The following ATP8A1 variants were observed in gnomAD, a reference collection of about 807,000 sequenced individuals.
ATP8A1 encodes phospholipid-transporting ATPase IA.
A neutral mutation model predicts 177.7 loss-of-function variants in ATP8A1; 90 were observed. The ratio of observed to expected loss-of-function variants is 0.51; its 90% CI spans 0.43 to 0.60. The LOEUF (loss-of-function observed/expected upper bound fraction) is 0.60. ATP8A1 is among the 20% of genes least tolerant of loss of function. ATP8A1 has a pLI of 0.00. For synonymous variants in ATP8A1, 493 were observed against 485.9 expected (o/e 1.01, Z -0.19); for missense variants, 1,072 against 1,392.8 (o/e 0.77, Z 3.67).
chr4:42,635,780 CACATAT>C lies in ATP8A1; in HGVS notation c.50-8677_50-8672del, dbSNP rs1319906823. Among the ~76,000 whole-genome samples, 38 of 43,470 alleles carry C rather than the reference CACATAT, an allele frequency of 8.7e-4. No homozygotes were observed. The East Asian group carries it at 9.5e-3, about 11-fold the overall frequency. The allele number at this position is 43,470 out of a possible 152,430, so 28.5% of individuals were successfully genotyped here. On this transcript the variant is annotated intron_variant, in intron 1 of 36. Transcript: ENST00000381668. Reference sequence around the variant, plus strand: ...ACACACACACACACACACACACACACACATATATATATATATATATATATATATATA... The same window carrying C: ...ACACACACACACACACACACACACACATATATATATATATATATATATATA...
chr4:42,587,310 C>CTTTTTTT (rs991848308), intron 8 of ATP8A1, among the ~76,000 whole-genome samples: 1 of 137,438 alleles, frequency 7.3e-6, no homozygotes, highest in African/African-American at 2.7e-5. Flanking sequence ...CTTTTCTTTT[C>CTTTTTTT]TTTTTTTTTT....
intron 27 of ATP8A1, among the ~76,000 whole-genome samples, chr4:42,463,523 G>A (rs3890811): frequency 0.056 from 8,574 of 152,208 alleles, 301 homozygotes; most frequent in African/African-American, 0.088. Flanking sequence ...CCTTGGGTAT[G>A]TCTTTATCCA....
chr4:42,457,204 A>G (rs1405688343), intron 27 of ATP8A1, among the ~76,000 whole-genome samples: 1 of 152,192 alleles, frequency 6.6e-6, no homozygotes, highest in Non-Finnish European at 1.5e-5. Context: ...GATGCATGCA[A>G]ACTTTAAAAG....
chr4:42,570,061 C>T (rs532359208), intron 14 of ATP8A1, among the ~76,000 whole-genome samples: 27 of 152,172 alleles, frequency 1.8e-4, no homozygotes, highest in Non-Finnish European at 7.4e-5. Flanking sequence ...TTATTTTTGA[C>T]GAATATACAA....
chr4:42,502,045 C>G (rs1356815851), intron 24 of ATP8A1, among the ~76,000 whole-genome samples: 2 of 149,110 alleles, frequency 1.3e-5, no homozygotes, highest in South Asian at 4.2e-4. Flanking sequence ...AACTGATATA[C>G]TTTTTTTTTT....
At chr4:42,515,028 A>G (rs1048876546) in intron 22 of ATP8A1, among the ~76,000 whole-genome samples, 1 of 152,254 alleles carries the variant, frequency 6.6e-6, no homozygotes, top group African/African-American at 2.4e-5. Flanking sequence ...ACTAAAAAAG[A>G]TGAAATAAAA....
At chr4:42,574,205 AGAT>A (rs1194788927) in intron 14 of ATP8A1, among the ~76,000 whole-genome samples, 2 of 152,066 alleles carry the variant, frequency 1.3e-5, no homozygotes, top group African/African-American at 4.8e-5. Flanking sequence ...CAAAAAGGAG[AGAT>A]GATAGAAGAA....
intron 17 of ATP8A1, among the ~76,000 whole-genome samples, chr4:42,552,075 T>C (rs973646039): frequency 6.6e-6 from 1 of 152,166 alleles, no homozygotes; most frequent in African/African-American, 2.4e-5. Flanking sequence ...GCTTCTTTAT[T>C]ATCATTAACA....
chr4:42,546,840 G>T (rs1334438459), intron 19 of ATP8A1, among the ~76,000 whole-genome samples: 3 of 152,094 alleles, frequency 2.0e-5, no homozygotes, highest in Non-Finnish European at 4.4e-5. Context: ...TCTTCTCCTG[G>T]CTCTGTGCTA....
At chr4:42,546,594 A>C (rs1000520926) in intron 19 of ATP8A1, among the ~76,000 whole-genome samples, 3 of 150,722 alleles carry the variant, frequency 2.0e-5, no homozygotes, top group Non-Finnish European at 4.4e-5. Context: ...AAAAAAAAAA[A>C]ACAAAAAAAC....
intron 35 of ATP8A1, among the ~76,000 whole-genome samples, chr4:42,420,530 T>C (rs1447647003): frequency 2.0e-5 from 3 of 152,192 alleles, no homozygotes; most frequent in African/African-American, 7.2e-5. Flanking sequence ...CTACATATAT[T>C]ACGGAATCAC....
chr4:42,473,991 T>C (rs1050561964), intron 25 of ATP8A1, among the ~76,000 whole-genome samples: 1 of 152,182 alleles, frequency 6.6e-6, no homozygotes, highest in African/African-American at 2.4e-5. Context: ...CAGCTTGCTC[T>C]TCTCTGCCTC....
At chr4:42,470,484 T>C (rs574225551) in intron 25 of ATP8A1, among the ~76,000 whole-genome samples, 9 of 152,242 alleles carry the variant, frequency 5.9e-5, no homozygotes, top group East Asian at 5.8e-4. Flanking sequence ...ATATAATAGA[T>C]GTATAATAAA....
At chr4:42,560,499 A>G (rs1331276094) in intron 15 of ATP8A1, among the ~76,000 whole-genome samples, 1 of 152,128 alleles carries the variant, frequency 6.6e-6, no homozygotes, top group East Asian at 1.9e-4. Context: ...CGAAAAAAGC[A>G]GGATAACTTT....
chr4:42,467,378 T>C (rs1719886215), intron 25 of ATP8A1, among the ~76,000 whole-genome samples: 1 of 152,164 alleles, frequency 6.6e-6, no homozygotes, highest in Non-Finnish European at 1.5e-5. Context: ...CCAGAGCATC[T>C]GCTTCCATTA....
intron 1 of ATP8A1, among the ~76,000 whole-genome samples, chr4:42,653,161 C>A (rs1163118434): frequency 6.6e-6 from 1 of 152,200 alleles, no homozygotes; most frequent in Admixed American, 6.5e-5. Context: ...GAACACCCTT[C>A]CCCCAGATCC....
chr4:42,563,335 C>T (rs1389023074), intron 15 of ATP8A1, among the ~76,000 whole-genome samples: 5 of 152,026 alleles, frequency 3.3e-5, no homozygotes, highest in Admixed American at 6.6e-5. Flanking sequence ...GGGTATCTGG[C>T]GGAAGAAATT....
chr4:42,613,041 C>G (rs562918578), intron 5 of ATP8A1, among the ~76,000 whole-genome samples: 1 of 152,288 alleles, frequency 6.6e-6, no homozygotes, highest in South Asian at 2.1e-4. Context: ...ATACTCCTCC[C>G]TCCCCACTCC....
chr4:42,582,790 G>C (rs1021059793), intron 9 of ATP8A1, among the ~76,000 whole-genome samples: 2 of 151,940 alleles, frequency 1.3e-5, no homozygotes, highest in Non-Finnish European at 2.9e-5. Context: ...GTCCCAGTTG[G>C]TATTTTTGTG....
Sources: gnomAD v4.1 joint callset for allele counts (sites outside exome capture counted in the v4.1 genomes callset) on GRCh38, gnomAD v4.1.1 for gene constraint, MANE v1.5 for transcripts, NCBI Gene and HGNC (gene_info 2026-07-23, HGNC 2026-07-21) for gene names.